The following TNKS variants were observed in gnomAD, a reference collection of about 807,000 sequenced individuals.
TNKS encodes tankyrase.
Under a neutral mutation model 135.8 loss-of-function variants are expected in TNKS, and 72 were observed. The ratio of observed to expected loss-of-function variants is 0.53; its 90% CI spans 0.44 to 0.64. The LOEUF is 0.64. Ranked by LOEUF, TNKS falls within the 30% of genes least tolerant of loss-of-function variation. TNKS has a pLI of 0.00. For synonymous variants in TNKS, 849 were observed against 649.3 expected (o/e 1.31, Z -4.68); for missense variants, 1,769 against 1,674.0 (o/e 1.06, Z -0.99).
intron 5 of TNKS, among the ~76,000 whole-genome samples, chr8:9,688,098 T>C (rs778473661): frequency 3.3e-5 from 5 of 152,216 alleles, no homozygotes; most frequent in Admixed American, 1.3e-4. Flanking sequence ...TGTTTTAATA[T>C]ATGCTTTATA....
intron 20 of TNKS, among the ~76,000 whole-genome samples, chr8:9,757,624 G>C (rs1018376004): frequency 6.6e-6 from 1 of 152,010 alleles, no homozygotes. Flanking sequence ...TCACCTTCAC[G>C]AGAGTTCTCT....
intron 9 of TNKS, among the ~76,000 whole-genome samples, chr8:9,709,397 T>TATTA (rs1347207096): frequency 6.6e-6 from 1 of 152,202 alleles, no homozygotes; most frequent in African/African-American, 2.4e-5. Context: ...TATTTTTAAA[T>TATTA]TTTAATACGA....
intron 1 of TNKS, among the ~76,000 whole-genome samples, chr8:9,564,252 G>C (rs1166920350): frequency 1.3e-5 from 2 of 152,120 alleles, no homozygotes; most frequent in Non-Finnish European, 2.9e-5. Flanking sequence ...GAATTGAATA[G>C]GTCACAGGCC....
At chr8:9,635,979 A>G (rs1170067423) in intron 3 of TNKS, among the ~76,000 whole-genome samples, 2 of 152,228 alleles carry the variant, frequency 1.3e-5, no homozygotes, top group Admixed American at 6.5e-5. Context: ...ATATTAGATG[A>G]AAAGTATTGT....
chr8:9,760,995 T>G (rs576329199), intron 20 of TNKS, among the ~76,000 whole-genome samples: 7 of 152,354 alleles, frequency 4.6e-5, no homozygotes, highest in African/African-American at 1.7e-4. Context: ...CTCACTGCTT[T>G]TTAAGGAAGC....
Position 9,778,157 on chromosome 8 carries a change from T to A in TNKS, c.*1421T>A, listed in dbSNP as rs2128846400. ...CATTGACATTTATAAAAAAAAATGA[T>A]CCTTTATAGTTCTTACACTTGCCCT... On this transcript the variant is annotated 3_prime_UTR_variant, in exon 27 of 27. Coordinates refer to ENST00000310430, the MANE Select transcript of TNKS (RefSeq NM_003747.3). 1 of 152,594 alleles carries A rather than the reference T, an allele frequency of 6.6e-6. No homozygotes were observed. The highest frequency in any genetic ancestry group is 2.1e-4 in the South Asian group (1 of 4,818). The allele number at this position is 152,594 out of a possible 1,614,324, so 9.5% of individuals were successfully genotyped here. A position where few individuals can be genotyped will look rare whatever the true frequency, so the allele number is the denominator to read the frequency against.
At chr8:9,745,313 T>C (rs921524786) in intron 17 of TNKS, among the ~76,000 whole-genome samples, 1 of 152,238 alleles carries the variant, frequency 6.6e-6, no homozygotes, top group South Asian at 2.1e-4. Context: ...TATAGTGATA[T>C]TATAATCCCA....
chr8:9,567,129 T>G (rs1797574481), intron 1 of TNKS, among the ~76,000 whole-genome samples: 1 of 152,220 alleles, frequency 6.6e-6, no homozygotes, highest in African/African-American at 2.4e-5. Flanking sequence ...AACGTAACTT[T>G]ACAAATTTTG....
At chr8:9,745,724 C>A (rs12234900) in intron 17 of TNKS, among the ~76,000 whole-genome samples, 1 of 151,854 alleles carries the variant, frequency 6.6e-6, no homozygotes, top group African/African-American at 2.4e-5. Flanking sequence ...TTTTTGGGGG[C>A]GTTTTTTGCT....
chr8:9,560,330 C>G (rs1276822224), intron 1 of TNKS, among the ~76,000 whole-genome samples: 1 of 151,670 alleles, frequency 6.6e-6, no homozygotes, highest in African/African-American at 2.4e-5. Context: ...ACATATACGA[C>G]TTGGATTATG....
intron 11 of TNKS, among the ~76,000 whole-genome samples, chr8:9,711,079 A>AT (rs1804307047): frequency 1.3e-5 from 2 of 152,196 alleles, no homozygotes; most frequent in South Asian, 2.1e-4. Context: ...GAAATTATAG[A>AT]TTTTTTCATT....
At chr8:9,672,132 T>C (rs189500370) in intron 3 of TNKS, among the ~76,000 whole-genome samples, 7 of 152,364 alleles carry the variant, frequency 4.6e-5, no homozygotes, top group Admixed American at 6.5e-5. Flanking sequence ...AGTAGTGATA[T>C]TGGCATATTG....
intron 3 of TNKS, among the ~76,000 whole-genome samples, chr8:9,639,088 A>T (rs1351284295): frequency 2.0e-5 from 3 of 152,316 alleles, no homozygotes; most frequent in South Asian, 2.1e-4. Flanking sequence ...AAAAGTATTT[A>T]GACTTTTATC....
intron 3 of TNKS, 97 bp from the exon 4 acceptor site, chr8:9,679,854 C>T: frequency 9.6e-7 from 1 of 1,036,948 alleles, no homozygotes; most frequent in East Asian, 2.4e-5. Context: ...CTCTCTTTTT[C>T]TGTTCTTCTC....
intron 2 of TNKS, among the ~76,000 whole-genome samples, chr8:9,582,181 G>C (rs1242530217): frequency 6.6e-6 from 1 of 152,164 alleles, no homozygotes; most frequent in Non-Finnish European, 1.5e-5. Context: ...TTATTCTGAG[G>C]TTCACTGAAA....
At chr8:9,653,977 A>T (rs569171339) in intron 3 of TNKS, among the ~76,000 whole-genome samples, 8 of 151,856 alleles carry the variant, frequency 5.3e-5, no homozygotes, top group Non-Finnish European at 1.0e-4. Flanking sequence ...TAGGCTCTTC[A>T]TGGTTTGAGG....
At chr8:9,598,767 A>ATG (rs1563106155) in intron 2 of TNKS, among the ~76,000 whole-genome samples, 3 of 3,346 alleles carry the variant, frequency 9.0e-4, no homozygotes, top group East Asian at 0.012. Flanking sequence ...GTGTGTGTGT[A>ATG]TATATATATA....
At chr8:9,591,822 A>G (rs369126009) in intron 2 of TNKS, among the ~76,000 whole-genome samples, 3 of 152,204 alleles carry the variant, frequency 2.0e-5, no homozygotes, top group African/African-American at 2.4e-5. Flanking sequence ...CGTTGGAATA[A>G]TAAGATTTCT....
chr8:9,692,304 G>A (rs887668347), intron 5 of TNKS, among the ~76,000 whole-genome samples: 1 of 151,974 alleles, frequency 6.6e-6, no homozygotes, highest in African/African-American at 2.4e-5. Flanking sequence ...TTGGTTTGTT[G>A]TTCCTGCATT....
Sources: allele counts gnomAD v4.1 joint callset (sites outside exome capture counted in the v4.1 genomes callset), GRCh38; gene constraint gnomAD v4.1.1; transcripts MANE v1.5; gene names NCBI Gene and HGNC (gene_info 2026-07-23, HGNC 2026-07-21).